Variants in FAM171A1 observed in about 807,000 individuals in gnomAD.
FAM171A1 encodes protein FAM171A1.
Under a neutral mutation model 74.9 loss-of-function variants are expected in FAM171A1, and 23 were observed. The observed-to-expected ratio is 0.31, with a 90% CI of 0.22 to 0.44. FAM171A1 has a LOEUF of 0.44. Among genes scored for constraint, FAM171A1 ranks in the 20% least tolerant of loss-of-function variants. FAM171A1 has a pLI of 1.00. For synonymous variants in FAM171A1, 527 were observed against 505.7 expected (o/e 1.04, Z -0.57); for missense variants, 1,162 against 1,159.2 (o/e 1.00, Z -0.03).
chr10:15,243,966 G>A (rs963559426), intron 5 of FAM171A1, among the ~76,000 whole-genome samples: 3 of 152,140 alleles, frequency 2.0e-5, no homozygotes, highest in African/African-American at 4.8e-5. Flanking sequence ...TAGCCAGGAT[G>A]GTCTTGATCT....
At chr10:15,232,419 T>C (rs1372197160) in intron 5 of FAM171A1, among the ~76,000 whole-genome samples, 1 of 152,232 alleles carries the variant, frequency 6.6e-6, no homozygotes, top group Non-Finnish European at 1.5e-5. Context: ...TTTGTAATTA[T>C]AGGGCCCTTC....
At chr10:15,368,746 G>A (rs185466721) in intron 1 of FAM171A1, among the ~76,000 whole-genome samples, 2 of 152,286 alleles carry the variant, frequency 1.3e-5, no homozygotes, top group Admixed American at 6.5e-5. Flanking sequence ...TGTCTTCATC[G>A]TGTACATGAT....
At chr10:15,361,832 T>C (rs534629127) in intron 1 of FAM171A1, among the ~76,000 whole-genome samples, 77 of 152,220 alleles carry the variant, frequency 5.1e-4, no homozygotes, top group Non-Finnish European at 1.0e-3. Flanking sequence ...CCTATTCAAA[T>C]TCTGAGCTCA....
At chr10:15,314,830 AG>A (rs200644835) in intron 1 of FAM171A1, among the ~76,000 whole-genome samples, 1,866 of 152,296 alleles carry the variant, frequency 0.012, 38 homozygotes, top group African/African-American at 0.042. Flanking sequence ...TCACGAGCCC[AG>A]GAATGACTTC....
intron 5 of FAM171A1, among the ~76,000 whole-genome samples, chr10:15,236,211 C>A (rs558170125): frequency 4.0e-5 from 6 of 151,688 alleles, no homozygotes; most frequent in East Asian, 1.9e-4. Context: ...TAAATAGCAA[C>A]CTTGGGTGAG....
chr10:15,212,922 A>C lies in FAM171A1; in HGVS notation c.2666T>G (p.Ile889Ser), dbSNP rs887193766. 6.2e-7 allele frequency: 1 copy of C among 1,613,888 alleles called. No homozygotes were observed. The highest frequency in any genetic ancestry group is 8.5e-7 in the Non-Finnish European group (1 of 1,179,982). Residue 889 changes from isoleucine to serine, a missense_variant, in exon 8 of 8, where the codon ATT becomes AGT. Transcript: ENST00000378116. Reference protein sequence around the residue: ...REERPLMAFNIK With the variant: ...REERPLMAFNSK ...AGGTGGGTCTGCGATAGCTCATTTA[A>C]TGTTAAACGCCATCAGGGGCCTCTC...
At position 15,246,335 on chromosome 10, in the gene FAM171A1, A is replaced by C. The variant is rs114797752; in HGVS notation, c.754+2304T>G. Among the ~76,000 whole-genome samples the C allele has an allele frequency of 2.4e-3, 368 of 152,338 alleles. 2 individuals carry two copies. Among genetic ancestry groups the C allele is most frequent in the African/African-American group, 8.6e-3 (358 of 41,574 alleles). On this transcript the variant is annotated intron_variant, in intron 5 of 7. Coordinates refer to ENST00000378116, the MANE Select transcript of FAM171A1 (RefSeq NM_001010924.2). ...TCTCTATTAATTATTTGGAAAGTAAAAATAAGACAAAACAAAAATCCCCTC... is the reference window on the plus strand; with the variant it reads ...TCTCTATTAATTATTTGGAAAGTAACAATAAGACAAAACAAAAATCCCCTC...
intron 1 of FAM171A1, among the ~76,000 whole-genome samples, chr10:15,296,430 T>C (rs1835161766): frequency 1.3e-5 from 2 of 152,202 alleles, no homozygotes; most frequent in Admixed American, 6.5e-5. Flanking sequence ...ACTTGTACAT[T>C]TGAGGACTCC....
At position 15,253,050 on chromosome 10, in the gene FAM171A1, C is replaced by T. The variant is rs529819947; in HGVS notation, c.577+1671G>A. Among the ~76,000 whole-genome samples, 6 of 152,266 alleles carry T rather than the reference C, an allele frequency of 3.9e-5. No homozygotes were observed. The South Asian group carries it at 6.2e-4, about 16-fold the overall frequency. On this transcript the variant is annotated intron_variant, in intron 4 of 7. Transcript: ENST00000378116. ...ACAGAGTTTAGATCTGTTGCTCAGG[C>T]TGGAGTGCAGTGGCACGATCTTGGC...
At chr10:15,286,635 T>C (rs538861551) in intron 1 of FAM171A1, among the ~76,000 whole-genome samples, 102 of 152,256 alleles carry the variant, frequency 6.7e-4, no homozygotes, top group African/African-American at 2.4e-3. Flanking sequence ...GGCAACCATA[T>C]AGAGAAGAAC....
chr10:15,254,921 TTC>T (rs1347416732), intron 3 of FAM171A1, 42 bp from the exon 4 acceptor site: 1 of 1,587,396 alleles, frequency 6.3e-7, no homozygotes. Context: ...CAGGAGCAGT[TTC>T]TGTTTTTAGA....
At chr10:15,236,089 A>T (rs1834284941) in intron 5 of FAM171A1, among the ~76,000 whole-genome samples, 1 of 152,184 alleles carries the variant, frequency 6.6e-6, no homozygotes, top group Non-Finnish European at 1.5e-5. Flanking sequence ...ACTTATTGTG[A>T]ACTTTAAAGT....
At chr10:15,247,289 A>G (rs2131755665) in intron 5 of FAM171A1, among the ~76,000 whole-genome samples, 1 of 152,302 alleles carries the variant, frequency 6.6e-6, no homozygotes, top group Non-Finnish European at 1.5e-5. Context: ...TGAGTGAGTG[A>G]GTGGTCTCGT....
intron 1 of FAM171A1, among the ~76,000 whole-genome samples, chr10:15,317,675 G>A (rs1216000507): frequency 1.3e-5 from 2 of 152,250 alleles, no homozygotes; most frequent in Non-Finnish European, 2.9e-5. Flanking sequence ...TTACAGGCGT[G>A]AGCCACCATG....
intron 3 of FAM171A1, among the ~76,000 whole-genome samples, chr10:15,269,707 G>A (rs1834796842): frequency 6.6e-6 from 1 of 152,196 alleles, no homozygotes; most frequent in Non-Finnish European, 1.5e-5. Context: ...GCCCTGGACT[G>A]TGGCCCAAAC....
chr10:15,298,729 A>G (rs1835191092), intron 1 of FAM171A1, among the ~76,000 whole-genome samples: 1 of 152,206 alleles, frequency 6.6e-6, no homozygotes, highest in Non-Finnish European at 1.5e-5. Flanking sequence ...CAGATATGGT[A>G]AAGTATCTAG....
intron 1 of FAM171A1, among the ~76,000 whole-genome samples, chr10:15,329,717 C>T (rs116788202): frequency 1.7e-3 from 260 of 151,880 alleles, no homozygotes; most frequent in African/African-American, 6.1e-3. Context: ...TACATATGGC[C>T]CTAAGAAGCT....
At chr10:15,242,402 A>G (rs1232217841) in intron 5 of FAM171A1, among the ~76,000 whole-genome samples, 2 of 152,242 alleles carry the variant, frequency 1.3e-5, no homozygotes, top group Non-Finnish European at 2.9e-5. Flanking sequence ...TTGAATGACT[A>G]TCCACAAACG....
At chr10:15,370,240 C>CTTTTT (rs34087157) in intron 1 of FAM171A1, among the ~76,000 whole-genome samples, 5 of 110,862 alleles carry the variant, frequency 4.5e-5, no homozygotes, top group Non-Finnish European at 5.5e-5. Context: ...AAGGATTTTT[C>CTTTTT]TTTTTTTTTT....
Sources: allele counts gnomAD v4.1 joint callset (sites outside exome capture counted in the v4.1 genomes callset), GRCh38; gene constraint gnomAD v4.1.1; transcripts MANE v1.5; gene names NCBI Gene and HGNC (gene_info 2026-07-23, HGNC 2026-07-21).